The following SLC2A1 variants were observed in gnomAD, a reference collection of about 807,000 sequenced individuals.
SLC2A1 encodes solute carrier family 2 member 1, also known as solute carrier family 2, facilitated glucose transporter member 1.
Under a neutral mutation model 46.6 loss-of-function variants are expected in SLC2A1, and 4 were observed. The observed-to-expected ratio is 0.09, with a 90% CI of 0.04 to 0.20. The LOEUF is 0.20. SLC2A1 is among the 10% of genes least tolerant of loss of function. The pLI, the probability that SLC2A1 is intolerant of heterozygous loss-of-function variation, is 1.00. For synonymous variants in SLC2A1, 253 were observed against 270.0 expected (o/e 0.94, Z 0.62); for missense variants, 352 against 667.0 (o/e 0.53, Z 5.20).
chr1:42,937,125 C>T (rs1175240555), intron 2 of SLC2A1, among the ~76,000 whole-genome samples: 1 of 152,258 alleles, frequency 6.6e-6, no homozygotes. Context: ...CTCCCTCTTC[C>T]TTCCCTGCTC....
At chr1:42,931,602 G>T (rs1643490530) in intron 2 of SLC2A1, among the ~76,000 whole-genome samples, 1 of 152,028 alleles carries the variant, frequency 6.6e-6, no homozygotes, top group African/African-American at 2.4e-5. Flanking sequence ...AAGGCAAGCA[G>T]ATCACTGGAG....
intron 1 of SLC2A1, among the ~76,000 whole-genome samples, chr1:42,944,543 C>T (rs181466940): frequency 6.6e-6 from 1 of 152,156 alleles, no homozygotes; most frequent in Non-Finnish European, 1.5e-5. Context: ...CCAGAAGCAG[C>T]CTTTACTTCA....
chr1:42,956,644 G>A (rs2124476497), intron 1 of SLC2A1, among the ~76,000 whole-genome samples: 1 of 151,920 alleles, frequency 6.6e-6, no homozygotes, highest in East Asian at 1.9e-4. Context: ...TGTGAAAGAG[G>A]TGTTCCAACA....
At chr1:42,934,440 A>T (rs148642539) in intron 2 of SLC2A1, among the ~76,000 whole-genome samples, 2 of 152,142 alleles carry the variant, frequency 1.3e-5, no homozygotes, top group South Asian at 2.1e-4. Context: ...GGAAGAAGCC[A>T]CGCCTGGTTT....
chr1:42,934,558 A>G (rs1443961410), intron 2 of SLC2A1, among the ~76,000 whole-genome samples: 1 of 152,076 alleles, frequency 6.6e-6, no homozygotes, highest in African/African-American at 2.4e-5. Flanking sequence ...GATGCTGGAG[A>G]ATGAGAAGAA....
At chr1:42,944,019 T>C (rs1319023501) in intron 1 of SLC2A1, among the ~76,000 whole-genome samples, 2 of 152,176 alleles carry the variant, frequency 1.3e-5, no homozygotes, top group Non-Finnish European at 2.9e-5. Flanking sequence ...AGCTCAGGGC[T>C]CCGGACTCCT....
chr1:42,958,867 T>G lies in SLC2A1; in HGVS notation c.-216A>C. ...GCTCGCTGTTGCTACCTCTTGCCTC[T>G]TGCCAGAGAGCGCGCGGACCGTAGC... On this transcript the variant is annotated 5_prime_UTR_variant, in exon 1 of 10. Transcript: ENST00000426263. 1.9e-6 allele frequency: 1 copy of G among 537,848 alleles called. No homozygotes were observed. The allele number at this position is 537,848 out of a possible 1,614,324, so 33.3% of individuals were successfully genotyped here.
chr1:42,952,459 T>C lies in SLC2A1; in HGVS notation c.18+6175A>G, dbSNP rs369684030. ...TCCATCACCAGGTTGTAGATGGTGATGATGCCAGCCATGACCGCTGGGACA... is the reference window on the plus strand; with the variant it reads ...TCCATCACCAGGTTGTAGATGGTGACGATGCCAGCCATGACCGCTGGGACA... On this transcript the variant is annotated intron_variant, in intron 1 of 9. Coordinates refer to ENST00000426263, the MANE Select transcript of SLC2A1 (RefSeq NM_006516.4). 3,952 of 462,212 alleles carry C rather than the reference T, an allele frequency of 8.6e-3. 172 individuals carry two copies. Among genetic ancestry groups the C allele is most frequent in the South Asian group, 0.059 (3,834 of 64,740 alleles). 28.6% of individuals were successfully genotyped at this position (462,212 alleles called of 1,614,324 possible). A position where few individuals can be genotyped will look rare whatever the true frequency, so the allele number is the denominator to read the frequency against.
rs1360856113 is a variant in SLC2A1, at chr1:42,954,041, G to A, written c.18+4593C>T. ...GGAAAGCCACTTCTTCAAGGTCAGA[G>A]TTTAGTGGGAACATCTAGTGTTTTG... On this transcript the variant is annotated intron_variant, in intron 1 of 9. Transcript: ENST00000426263. This position sits in a 1 kb window ranked among gnomAD's most constrained non-coding sequence, Gnocchi z 4.2. Among the ~76,000 whole-genome samples the A allele has an allele frequency of 2.0e-5, 3 of 152,168 alleles. No individual in the cohort carries two copies. Among genetic ancestry groups the A allele is most frequent in the Non-Finnish European group, 4.4e-5 (3 of 68,028 alleles).
chr1:42,958,141 G>A (rs917662158), intron 1 of SLC2A1, among the ~76,000 whole-genome samples: 3 of 152,264 alleles, frequency 2.0e-5, no homozygotes, highest in Admixed American at 6.5e-5. Context: ...GTCCGGGCTA[G>A]GGGAGCAGAC....
chr1:42,931,722 G>A (rs897213433), intron 2 of SLC2A1, among the ~76,000 whole-genome samples: 1 of 151,778 alleles, frequency 6.6e-6, no homozygotes, highest in African/African-American at 2.4e-5. Flanking sequence ...CCAGCTACAC[G>A]GGAGGCTAAG....
In SLC2A1 at chr1:42,927,505, C is replaced by T. The variant is rs1643439417; in HGVS notation, c.1278+100G>A. On this transcript the variant is annotated intron_variant, in intron 9 of 9. Transcript: ENST00000426263. The surrounding 1 kb of genome is among the most constrained non-coding windows in gnomAD (Gnocchi z 5.3). ...ACCTGGGCTTCCTACCCTCAGTTTCCTCCTCAGCATGATTCCTAATGAGAA... is the reference window on the plus strand; with the variant it reads ...ACCTGGGCTTCCTACCCTCAGTTTCTTCCTCAGCATGATTCCTAATGAGAA... 3.3e-6 allele frequency: 4 copies of T among 1,223,590 alleles called. No individual in the cohort carries two copies. The highest frequency in any genetic ancestry group is 1.3e-5 in the South Asian group (1 of 78,602). The allele number at this position is 1,223,590 out of a possible 1,614,324, so 75.8% of individuals were successfully genotyped here. A position where few individuals can be genotyped will look rare whatever the true frequency, so the allele number is the denominator to read the frequency against.
chr1:42,950,577 T>A (rs901231947), intron 1 of SLC2A1, among the ~76,000 whole-genome samples: 1 of 152,212 alleles, frequency 6.6e-6, no homozygotes, highest in Non-Finnish European at 1.5e-5. Flanking sequence ...ATAATTCAAC[T>A]AAGAGAACAT....
In SLC2A1 at chr1:42,927,373, T is replaced by A; in HGVS notation, c.1279-132A>T. On this transcript the variant is annotated intron_variant, in intron 9 of 9. Transcript: ENST00000426263. The surrounding 1 kb of genome is among the most constrained non-coding windows in gnomAD (Gnocchi z 5.3). ...ATCCACCTACCCAGGGATGCTATCA[T>A]AATTAACTGAGACCACGCTTGTACC... The A allele has an allele frequency of 1.1e-6, 1 of 905,682 alleles. No individual in the cohort carries two copies. Among genetic ancestry groups the A allele is most frequent in the Non-Finnish European group, 1.8e-6 (1 of 558,924 alleles). 56.1% of individuals were successfully genotyped at this position (905,682 alleles called of 1,614,324 possible). A position where few individuals can be genotyped will look rare whatever the true frequency, so the allele number is the denominator to read the frequency against.
At chr1:42,958,601 C>T (rs1275062086) in intron 1 of SLC2A1, 33 bp downstream of exon 1, 1 of 1,518,978 alleles carries the variant, frequency 6.6e-7, no homozygotes, top group Admixed American at 2.0e-5. Context: ...CGCCTTTGTT[C>T]CTGGCGGGAG....
chr1:42,948,591 G>A (rs1256548542), intron 1 of SLC2A1, among the ~76,000 whole-genome samples: 2 of 152,114 alleles, frequency 1.3e-5, no homozygotes, highest in Admixed American at 6.5e-5. Flanking sequence ...AATTTGTTTT[G>A]TTGTGTTTCT....
rs1306622124 is a variant in SLC2A1, at chr1:42,926,155, G to A, written c.*886C>T. ...CAATCCACAAGCATTTCAAAACCAT[G>A]TTTCTAAAAACCAGCCATTTATATC... On this transcript the variant is annotated 3_prime_UTR_variant, in exon 10 of 10. Transcript: ENST00000426263. The A allele has an allele frequency of 6.6e-6, 1 of 152,662 alleles. No individual in the cohort carries two copies. The highest frequency in any genetic ancestry group is 1.5e-5 in the Non-Finnish European group (1 of 68,082). 9.5% of individuals were successfully genotyped at this position (152,662 alleles called of 1,614,324 possible).
chr1:42,928,971 C>T lies in SLC2A1; in HGVS notation c.1035G>A (p.Ala345=), dbSNP rs748617912. The change falls in exon 8 of 10, where the codon GCG becomes GCA. Residue 345 remains alanine, a synonymous_variant. Transcript: ENST00000426263. ...TLHLIGLAGM[A]GCAILMTIAL... is the part of the protein sequence containing the mutation. ...CGATGGTCATGAGTATGGCACAACCCGCCATGCCAGCGAGGCCTATGAGGT... is the reference window on the plus strand; with the variant it reads ...CGATGGTCATGAGTATGGCACAACCTGCCATGCCAGCGAGGCCTATGAGGT... The T allele has an allele frequency of 1.2e-5, 19 of 1,613,848 alleles. No individual in the cohort carries two copies. The highest frequency in any genetic ancestry group is 1.6e-5 in the Non-Finnish European group (19 of 1,180,024).
rs755679518 is a variant in SLC2A1, at chr1:42,928,937, G to A, written c.1069C>T (p.Leu357=). 3 of 1,613,346 alleles carry A rather than the reference G, an allele frequency of 1.9e-6. No individual in the cohort carries two copies. Among genetic ancestry groups the A allele is most frequent in the African/African-American group, 2.7e-5 (2 of 74,924 alleles). The stretch of plus-strand genomic sequence containing the variant: ...TCCAGAACCTAGCAACTCACCAGCA[G>A]TGCTAGCGCGATGGTCATGAGTATG... ...CAILMTIALA[L]LEQLPWMSYL... The change falls in exon 8 of 10, where the codon CTG becomes TTG. Residue 357 remains leucine, a synonymous_variant. Transcript: ENST00000426263.
Sources: allele counts gnomAD v4.1 joint callset (sites outside exome capture counted in the v4.1 genomes callset), GRCh38; gene constraint gnomAD v4.1.1; non-coding constraint Gnocchi (gnomAD v3.1); transcripts MANE v1.5; gene names NCBI Gene and HGNC (gene_info 2026-07-23, HGNC 2026-07-21).